Variants in FOXP1 observed in about 807,000 individuals in gnomAD.
FOXP1 encodes forkhead box P1, also known as forkhead box protein P1.
In FOXP1, 15 loss-of-function variants were observed where a neutral mutation model predicts 98.2. That is an observed-to-expected ratio of 0.15 (90% CI 0.10 to 0.24). The LOEUF (loss-of-function observed/expected upper bound fraction) is 0.24, where lower values mean the gene tolerates loss of function less well. FOXP1 is among the 10% of genes least tolerant of loss of function. The pLI, the probability that FOXP1 is intolerant of heterozygous loss-of-function variation, is 1.00. For missense variants in FOXP1, 633 were observed against 848.5 expected (o/e 0.75, Z 3.15); for synonymous variants, 371 against 314.5 (o/e 1.18, Z -1.90).
chr3:71,121,104 C>T (rs1158969384), intron 6 of FOXP1, among the ~76,000 whole-genome samples: 1 of 150,420 alleles, frequency 6.6e-6, no homozygotes, highest in Non-Finnish European at 1.5e-5. Context: ...TGTTTTCCTG[C>T]ACCACGTCAT....
chr3:71,404,731 C>T (rs2082196770), intron 3 of FOXP1, among the ~76,000 whole-genome samples: 2 of 152,184 alleles, frequency 1.3e-5, no homozygotes, highest in Non-Finnish European at 2.9e-5. Flanking sequence ...TATACTTTCA[C>T]CTTTTCTTCT....
chr3:71,516,503 T>C (rs2042591751), intron 2 of FOXP1, among the ~76,000 whole-genome samples: 1 of 152,156 alleles, frequency 6.6e-6, no homozygotes, highest in Admixed American at 6.5e-5. Context: ...TAAAATATAT[T>C]ATCTTGGTTA....
At chr3:71,330,696 G>A (rs945929111) in intron 4 of FOXP1, among the ~76,000 whole-genome samples, 1 of 152,178 alleles carries the variant, frequency 6.6e-6, no homozygotes, top group African/African-American at 2.4e-5. Context: ...TGCAGTAGTG[G>A]AATATTATGC....
At position 71,015,530 on chromosome 3, in the gene FOXP1, A is replaced by T. The variant is rs2044334965; in HGVS notation, c.974+19T>A. 6.4e-7 allele frequency: 1 copy of T among 1,565,812 alleles called. No individual in the cohort carries two copies. The highest frequency in any genetic ancestry group is 1.4e-5 in the African/African-American group (1 of 73,948). ...TGTTGGCTATGTAAAAGAAGAAAAC[A>T]AAATAAAATCATTCTTACTTTAGAA... On this transcript the variant is annotated intron_variant, in intron 12 of 20. Transcript: ENST00000649528.
At chr3:71,099,187 T>G (rs1481224934) in intron 7 of FOXP1, among the ~76,000 whole-genome samples, 2 of 152,256 alleles carry the variant, frequency 1.3e-5, no homozygotes, top group East Asian at 3.9e-4. Context: ...TAAATATAAC[T>G]TGGAATTTAC....
intron 3 of FOXP1, among the ~76,000 whole-genome samples, chr3:71,414,459 A>C (rs1442775379): frequency 6.6e-6 from 1 of 152,186 alleles, no homozygotes; most frequent in Non-Finnish European, 1.5e-5. Flanking sequence ...CCACACCCAC[A>C]CAGCAGGGGA....
At chr3:71,252,569 A>C (rs1194445813) in intron 5 of FOXP1, among the ~76,000 whole-genome samples, 1 of 152,244 alleles carries the variant, frequency 6.6e-6, no homozygotes. Flanking sequence ...CTGAAGAACA[A>C]CAACAATGCC....
intron 9 of FOXP1, among the ~76,000 whole-genome samples, chr3:71,049,265 T>C (rs2049492354): frequency 6.6e-6 from 1 of 152,174 alleles, no homozygotes; most frequent in African/African-American, 2.4e-5. Context: ...TAAACTGTCA[T>C]AACTGCCCGG....
rs138308939 is a variant in FOXP1, at chr3:71,421,704, A to G, written c.-167-62460T>C. Among the ~76,000 whole-genome samples the G allele has an allele frequency of 2.4e-3, 372 of 152,270 alleles. 2 individuals are homozygous for G. Among genetic ancestry groups the G allele is most frequent in the African/African-American group, 8.7e-3 (360 of 41,552 alleles). ...GGTCTCAGGACCTCCTGACCAAAGA[A>G]AGGCTGGCTTGACTCTTCTTTCATC... On this transcript the variant is annotated intron_variant, in intron 3 of 20. Coordinates refer to ENST00000649528, the MANE Select transcript of FOXP1 (RefSeq NM_001349338.3).
chr3:71,160,965 G>A (rs2061104677), intron 6 of FOXP1, among the ~76,000 whole-genome samples: 1 of 152,202 alleles, frequency 6.6e-6, no homozygotes, highest in Admixed American at 6.5e-5. Context: ...AAAGACGGGA[G>A]TGACTGAACT....
chr3:71,471,785 C>T (rs1217032730), intron 3 of FOXP1, among the ~76,000 whole-genome samples: 2 of 152,140 alleles, frequency 1.3e-5, no homozygotes, highest in Non-Finnish European at 2.9e-5. Context: ...TCATATAATC[C>T]TGGAATACAG....
In FOXP1 at chr3:71,041,446, T is replaced by G. The variant is rs1391494379; in HGVS notation, c.751A>C (p.Ser251Arg). ...ACACATGTCGTGGTCAGATCCAAAC[T>G]GCTGTGATTGTTGCCTGTGGTTTCT... ...AEETTGNNHS[S>R]LDLTTTCVSS... is the part of the protein sequence containing the mutation. The change falls in exon 11 of 21, where the codon AGT (serine) becomes CGT (arginine). Residue 251 changes from serine to arginine, a missense_variant. By Grantham distance (110) the Ser-to-Arg change is moderately radical (BLOSUM62 -1). Coordinates refer to ENST00000649528, the MANE Select transcript of FOXP1 (RefSeq NM_001349338.3). The G allele has an allele frequency of 1.2e-6, 2 of 1,613,972 alleles. 1 individual carries two copies. The highest frequency in any genetic ancestry group is 2.2e-5 in the South Asian group (2 of 91,088).
intron 13 of FOXP1, among the ~76,000 whole-genome samples, chr3:70,994,828 T>C (rs1291428268): frequency 6.6e-6 from 1 of 152,170 alleles, no homozygotes; most frequent in African/African-American, 2.4e-5. Context: ...TGAGGGGTTG[T>C]AGGGAGCCTG....
chr3:71,139,863 T>C (rs1458203953), intron 6 of FOXP1, among the ~76,000 whole-genome samples: 1 of 152,106 alleles, frequency 6.6e-6, no homozygotes, highest in Non-Finnish European at 1.5e-5. Flanking sequence ...TATGAATCAA[T>C]ACTTCTAGGC....
At chr3:71,513,093 C>G (rs1002545730) in intron 2 of FOXP1, among the ~76,000 whole-genome samples, 5 of 152,192 alleles carry the variant, frequency 3.3e-5, no homozygotes, top group Non-Finnish European at 7.3e-5. Flanking sequence ...GCCCATACCT[C>G]TTTCCTTAAC....
chr3:70,971,262 A>AAGGCTTTTAAGG (rs1347513915), intron 18 of FOXP1: 1 of 212,682 alleles, frequency 4.7e-6, no homozygotes, highest in East Asian at 1.2e-4. Flanking sequence ...GGATGGCAGG[A>AAGGCTTTTAAGG]AGGCTTTTAA....
chr3:71,001,496 C>T (rs1470251523), intron 12 of FOXP1, among the ~76,000 whole-genome samples: 3 of 152,134 alleles, frequency 2.0e-5, no homozygotes, highest in Non-Finnish European at 4.4e-5. Context: ...GAAATGCATT[C>T]ACGTGAATGT....
At chr3:71,329,260 C>T (rs1009505984) in intron 4 of FOXP1, among the ~76,000 whole-genome samples, 5 of 151,504 alleles carry the variant, frequency 3.3e-5, no homozygotes, top group African/African-American at 7.3e-5. Flanking sequence ...CTCCCTCTGT[C>T]GCACAGGCTG....
chr3:71,198,169 A>C (rs1490379242), intron 6 of FOXP1, 33 bp downstream of exon 6: 1 of 1,613,606 alleles, frequency 6.2e-7, no homozygotes, highest in Admixed American at 1.7e-5. Context: ...CGCACCCACC[A>C]CCTCCACCTC....
Sources: allele counts gnomAD v4.1 joint callset (sites outside exome capture counted in the v4.1 genomes callset), GRCh38; gene constraint gnomAD v4.1.1; transcripts MANE v1.5; gene names NCBI Gene and HGNC (gene_info 2026-07-23, HGNC 2026-07-21).